NEGR1: variants seen among roughly 807,000 people sequenced by gnomAD.
The protein encoded by NEGR1 is neuronal growth regulator 1.
NEGR1 carries 10 observed loss-of-function variants against 40.9 expected under a neutral mutation model. That is an observed-to-expected ratio of 0.24 (90% CI 0.15 to 0.42). NEGR1 has a LOEUF of 0.42. NEGR1 is among the 10% of genes least tolerant of loss of function. The pLI is 1.00. For synonymous variants in NEGR1, 185 were observed against 166.8 expected (o/e 1.11, Z -0.84); for missense variants, 352 against 438.9 (o/e 0.80, Z 1.77).
At chr1:72,026,110 C>CAAAAAAAAAAAAAAAAAA (rs1172589239) in intron 1 of NEGR1, among the ~76,000 whole-genome samples, 2 of 31,140 alleles carry the variant, frequency 6.4e-5, no homozygotes, top group Non-Finnish European at 6.5e-5. Flanking sequence ...GACTCCGTCT[C>CAAAAAAAAAAAAAAAAAA]AAAAAAAAAA....
chr1:72,121,331 A>G (rs115682976), intron 1 of NEGR1, among the ~76,000 whole-genome samples: 7 of 152,046 alleles, frequency 4.6e-5, no homozygotes, highest in Non-Finnish European at 8.8e-5. Context: ...AGACAATACT[A>G]TAAGTACGTA....
intron 1 of NEGR1, among the ~76,000 whole-genome samples, chr1:72,245,892 A>T (rs182728616): frequency 5.1e-4 from 77 of 152,310 alleles, no homozygotes; most frequent in Non-Finnish European, 6.6e-4. Context: ...AAATTTAATG[A>T]CATAAAACTG....
intron 1 of NEGR1, among the ~76,000 whole-genome samples, chr1:72,268,433 G>T (rs1358327615): frequency 6.6e-6 from 1 of 151,452 alleles, no homozygotes; most frequent in Non-Finnish European, 1.5e-5. Flanking sequence ...CCGCACGTAA[G>T]TTTTTTGTAA....
At chr1:71,606,669 A>G (rs1650085192) in intron 5 of NEGR1, among the ~76,000 whole-genome samples, 1 of 152,168 alleles carries the variant, frequency 6.6e-6, no homozygotes, top group Admixed American at 6.5e-5. Flanking sequence ...TCAACAGTAA[A>G]TTGATGATAA....
At chr1:71,481,018 G>A (rs988003928) in intron 6 of NEGR1, among the ~76,000 whole-genome samples, 2 of 151,752 alleles carry the variant, frequency 1.3e-5, no homozygotes, top group Non-Finnish European at 2.9e-5. Context: ...AATAGCTAAT[G>A]CTTATTAAAA....
intron 6 of NEGR1, among the ~76,000 whole-genome samples, chr1:71,502,865 T>C (rs1014976408): frequency 6.6e-6 from 1 of 152,152 alleles, no homozygotes; most frequent in African/African-American, 2.4e-5. Flanking sequence ...TCCCAATCCA[T>C]GGTTCAGTTC....
At chr1:72,047,040 C>T (rs1388681141) in intron 1 of NEGR1, among the ~76,000 whole-genome samples, 1 of 151,438 alleles carries the variant, frequency 6.6e-6, no homozygotes, top group Non-Finnish European at 1.5e-5. Context: ...CCTTTCCATA[C>T]TTAGTATCAA....
rs58438323 is a variant in NEGR1 at position 71,879,134 on chromosome 1, G to GAA, written c.409+55943_409+55944dup. Reference sequence around the variant, plus strand: ...GGAAACAAGAGTGAAACTCTGTCTCGAAAAAAAAAAAAAATAGCAACAAGG... The same window carrying GAA: ...GGAAACAAGAGTGAAACTCTGTCTCGAAAAAAAAAAAAAAAATAGCAACAAGG... On this transcript the variant is annotated intron_variant, in intron 2 of 6. Coordinates refer to ENST00000357731, the MANE Select transcript of NEGR1 (RefSeq NM_173808.3). Among the ~76,000 whole-genome samples, 29 of 136,032 alleles carry GAA rather than the reference G, an allele frequency of 2.1e-4. No homozygotes were observed. In the East Asian group the frequency reaches 4.5e-3, roughly 21 times the overall value. The allele number at this position is 136,032 out of a possible 152,430, so 89.2% of individuals were successfully genotyped here.
intron 1 of NEGR1, among the ~76,000 whole-genome samples, chr1:72,056,147 G>A (rs766664153): frequency 1.2e-4 from 18 of 151,156 alleles, no homozygotes; most frequent in East Asian, 2.0e-4. Flanking sequence ...GTGTAATTAC[G>A]TATAAGAAAT....
chr1:72,027,607 T>G (rs1305299294), intron 1 of NEGR1, among the ~76,000 whole-genome samples: 1 of 152,156 alleles, frequency 6.6e-6, no homozygotes, highest in Non-Finnish European at 1.5e-5. Flanking sequence ...TTGCAACTTT[T>G]TATTAGTCTT....
intron 1 of NEGR1, among the ~76,000 whole-genome samples, chr1:72,229,273 T>A (rs1654282220): frequency 6.6e-6 from 1 of 151,080 alleles, no homozygotes; most frequent in South Asian, 2.1e-4. Flanking sequence ...TTACCTCTAA[T>A]TGACATTTTT....
intron 6 of NEGR1, among the ~76,000 whole-genome samples, chr1:71,489,410 A>G (rs1646910017): frequency 2.0e-5 from 3 of 151,402 alleles, no homozygotes; most frequent in South Asian, 2.1e-4. Context: ...TGATGTTGTA[A>G]CTCCTAGGAT....
chr1:72,262,511 G>A (rs1411682530), intron 1 of NEGR1, among the ~76,000 whole-genome samples: 1 of 151,888 alleles, frequency 6.6e-6, no homozygotes, highest in Non-Finnish European at 1.5e-5. Flanking sequence ...AAGCTTTTGA[G>A]GACAAGAGAT....
intron 1 of NEGR1, among the ~76,000 whole-genome samples, chr1:72,181,985 C>A (rs185605806): frequency 6.6e-6 from 1 of 152,104 alleles, no homozygotes; most frequent in East Asian, 1.9e-4. Context: ...GTACAATATG[C>A]GGACCAGAGG....
At chr1:71,794,912 A>G (rs1657265072) in intron 2 of NEGR1, among the ~76,000 whole-genome samples, 1 of 152,096 alleles carries the variant, frequency 6.6e-6, no homozygotes, top group Non-Finnish European at 1.5e-5. Flanking sequence ...GTCTACTAAT[A>G]GAAAAATGGA....
intron 3 of NEGR1, among the ~76,000 whole-genome samples, chr1:71,721,025 T>C (rs770705719): frequency 9.2e-5 from 14 of 152,192 alleles, no homozygotes; most frequent in Non-Finnish European, 1.9e-4. Context: ...TGTTAATTTA[T>C]TTATAGCATG....
intron 2 of NEGR1, among the ~76,000 whole-genome samples, chr1:71,804,862 C>G (rs1657696356): frequency 6.6e-6 from 1 of 152,164 alleles, no homozygotes; most frequent in African/African-American, 2.4e-5. Flanking sequence ...GAGAGATAAC[C>G]TTAAACTCTG....
At chr1:71,778,510 G>C (rs967775749) in intron 2 of NEGR1, among the ~76,000 whole-genome samples, 2 of 151,966 alleles carry the variant, frequency 1.3e-5, no homozygotes, top group Admixed American at 6.6e-5. Context: ...ATTTACAATG[G>C]GTTTATTTGG....
intron 3 of NEGR1, among the ~76,000 whole-genome samples, chr1:71,771,797 A>G (rs936114349): frequency 1.3e-5 from 2 of 151,444 alleles, no homozygotes; most frequent in African/African-American, 4.8e-5. Flanking sequence ...ATTCTACAGT[A>G]GAATGTCAAG....
Sources: allele counts gnomAD v4.1 joint callset (sites outside exome capture counted in the v4.1 genomes callset), GRCh38; gene constraint gnomAD v4.1.1; transcripts MANE v1.5; gene names NCBI Gene and HGNC (gene_info 2026-07-23, HGNC 2026-07-21).